TRIB1: variants seen among roughly 807,000 people sequenced by gnomAD.
The protein encoded by TRIB1 is tribbles homolog 1.
In TRIB1, 12 loss-of-function variants were observed where a neutral mutation model predicts 27.8. The observed-to-expected ratio is 0.43, with a 90% confidence interval of 0.28 to 0.70. The LOEUF is 0.70. TRIB1 is among the 30% of genes least tolerant of loss of function. The pLI is 0.18. For synonymous variants in TRIB1, 230 were observed against 224.9 expected, an observed-to-expected ratio of 1.02 and a Z score of -0.20; for missense variants, 475 against 515.8, an observed-to-expected ratio of 0.92 and a Z score of 0.77.
rs1199031481 is a variant in TRIB1, at chr8:125,433,471, G to A, written c.515G>A (p.Arg172Gln). 5 of 1,614,116 alleles carry A rather than the reference G, an allele frequency of 3.1e-6. No homozygotes were observed. The highest frequency in any genetic ancestry group is 4.2e-6 in the Non-Finnish European group (5 of 1,180,048). Reference protein sequence around the residue: ...KDFGDMHSYVRSRKRLREEEA... With the variant: ...KDFGDMHSYVQSRKRLREEEA... ...TTTGGGGACATGCACTCCTATGTGCGAAGCCGGAAGAGGCTGCGGGAAGAG... is the reference window on the plus strand; with the variant it reads ...TTTGGGGACATGCACTCCTATGTGCAAAGCCGGAAGAGGCTGCGGGAAGAG... Residue 172 changes from arginine to glutamine, a missense_variant, in exon 2 of 3, where the codon CGA becomes CAA. Arg to Gln is a conservative substitution (Grantham distance 43, BLOSUM62 1). Coordinates refer to ENST00000311922, the MANE Select transcript of TRIB1 (RefSeq NM_025195.4). This position sits in a 1 kb window ranked among gnomAD's most constrained non-coding sequence, Gnocchi z 4.4.
chr8:125,431,047 C>G lies in TRIB1; in HGVS notation c.145C>G (p.Arg49Gly). 1 of 1,454,900 alleles carries G rather than the reference C, an allele frequency of 6.9e-7. No individual in the cohort carries two copies. Among genetic ancestry groups the G allele is most frequent in the Non-Finnish European group, 9.0e-7 (1 of 1,111,304 alleles). The allele number at this position is 1,454,900 out of a possible 1,614,324, so 90.1% of individuals were successfully genotyped here. A position where few individuals can be genotyped will look rare whatever the true frequency, so the allele number is the denominator to read the frequency against. ...DAAAVAAKCP[R>G]LSECSSPPDY... ...GGCGGCTGTGGCGGCCAAGTGCCCG[C>G]GCCTCTCCGAGTGCTCCAGCCCCCC... The change falls in exon 1 of 3, where the codon CGC becomes GGC. Residue 49 changes from arginine to glycine, a missense_variant. Transcript: ENST00000311922.
intron 1 of TRIB1, among the ~76,000 whole-genome samples, chr8:125,431,969 C>G (rs555510260): frequency 5.9e-5 from 9 of 152,280 alleles, no homozygotes; most frequent in Admixed American, 5.9e-4. Flanking sequence ...GAGGAGGAGA[C>G]ACAGCTCCTA....
Position 125,430,684 on chromosome 8 carries a change from C to T in TRIB1, c.-219C>T. On this transcript the variant is annotated 5_prime_UTR_variant, in exon 1 of 3. Transcript: ENST00000311922. ...GCGGGGGTCCGGGGACTCGAGCCGG[C>T]CTCCGCCTCCCGGACGCACAGCCAG... 6 of 521,970 alleles carry T rather than the reference C, an allele frequency of 1.1e-5. No individual in the cohort carries two copies. The highest frequency in any genetic ancestry group is 1.2e-5 in the Non-Finnish European group (4 of 332,434). The allele number at this position is 521,970 out of a possible 1,614,324, so 32.3% of individuals were successfully genotyped here. A position where few individuals can be genotyped will look rare whatever the true frequency, so the allele number is the denominator to read the frequency against.
chr8:125,433,178 C>A lies in TRIB1; in HGVS notation c.361-139C>A, dbSNP rs560072952. On this transcript the variant is annotated intron_variant, in intron 1 of 2. Transcript: ENST00000311922. This position sits in a 1 kb window ranked among gnomAD's most constrained non-coding sequence, Gnocchi z 4.4. ...GCTGGGGCTGCGTAAGGTAAGGTGG[C>A]AGAGGAAAGGAGTAGGTGAATGGAA... 98 of 896,208 alleles carry A rather than the reference C, an allele frequency of 1.1e-4. 2 individuals carry two copies. The South Asian group carries it at 1.6e-3, about 14-fold the overall frequency. 55.5% of individuals were successfully genotyped at this position (896,208 alleles called of 1,614,324 possible). A position where few individuals can be genotyped will look rare whatever the true frequency, so the allele number is the denominator to read the frequency against.
chr8:125,436,469 T>G lies in TRIB1; in HGVS notation c.1117T>G (p.Ter373GluextTer11). 1 of 1,612,722 alleles carries G rather than the reference T, an allele frequency of 6.2e-7. No homozygotes were observed. Among genetic ancestry groups the G allele is most frequent in the East Asian group, 2.2e-5 (1 of 44,860 alleles). The change falls in exon 3 of 3, where the codon TAA becomes GAA. Residue 373 changes from the stop codon to glutamate (E), a stop_lost. Transcript: ENST00000311922. ...CAGTGACATTAGTTCCTTCTTCTGC[T>G]AATCCCCAAAACCTCAGAAACCTCA... ...EDSDISSFFC[*>E]
chr8:125,432,026 C>A (rs55637010), intron 1 of TRIB1, among the ~76,000 whole-genome samples: 5,194 of 152,264 alleles, frequency 0.034, 104 homozygotes, highest in Non-Finnish European at 0.053. Flanking sequence ...AGACGCAGAA[C>A]GTTCCCACAG....
rs1445798491 is a variant in TRIB1 at position 125,433,334 on chromosome 8, C to G, written c.378C>G (p.His126Gln). The G allele has an allele frequency of 1.9e-6, 3 of 1,614,018 alleles. No homozygotes were observed. In the South Asian group the frequency reaches 3.3e-5, roughly 18 times the overall value. ...CTCTACAGGTGTTTCCCATTAAACA[C>G]TACCAGGACAAAATCAGGCCTTACA... ...ELRCKVFPIK[H>Q]YQDKIRPYIQ... The change falls in exon 2 of 3, where the codon CAC becomes CAG. Residue 126 changes from histidine (H) to glutamine (Q), a missense_variant. Physicochemically the swap from His to Gln is conservative, Grantham distance 24. Coordinates refer to ENST00000311922, the MANE Select transcript of TRIB1 (RefSeq NM_025195.4). The surrounding 1 kb of genome is among the most constrained non-coding windows in gnomAD (Gnocchi z 4.4).
At chr8:125,435,224 T>C (rs900143485) in intron 2 of TRIB1, among the ~76,000 whole-genome samples, 3 of 152,108 alleles carry the variant, frequency 2.0e-5, no homozygotes, top group African/African-American at 7.2e-5. Flanking sequence ...CCCTGTAGAA[T>C]ACATATGCTC....
rs746304298 is a variant in TRIB1 at position 125,431,001 on chromosome 8, C to T, written c.99C>T (p.Arg33=). The change falls in exon 1 of 3, where the codon CGC becomes CGT. Residue 33 remains arginine, a synonymous_variant. Transcript: ENST00000311922. ...FPATRGVPAK[R]LLDADDAAAV... Reference sequence around the variant, plus strand: ...CCACCCGAGGCGTCCCGGCCAAACGCCTGCTGGACGCCGACGACGCGGCGG... The same window carrying T: ...CCACCCGAGGCGTCCCGGCCAAACGTCTGCTGGACGCCGACGACGCGGCGG... The T allele has an allele frequency of 4.8e-6, 7 of 1,465,532 alleles. No homozygotes were observed. The South Asian group carries it at 9.2e-5, about 19-fold the overall frequency. The allele number at this position is 1,465,532 out of a possible 1,614,324, so 90.8% of individuals were successfully genotyped here.
In TRIB1 at chr8:125,431,033, C is replaced by A. The variant is rs1235489441; in HGVS notation, c.131C>A (p.Ala44Glu). ...LLDADDAAAV[A>E]AKCPRLSECS... ...GACGCCGACGACGCGGCGGCTGTGG[C>A]GGCCAAGTGCCCGCGCCTCTCCGAG... Residue 44 changes from alanine (A) to glutamate (E), a missense_variant, in exon 1 of 3, where the codon GCG becomes GAG. By Grantham distance (107) the Ala-to-Glu change is moderately radical. Coordinates refer to ENST00000311922, the MANE Select transcript of TRIB1 (RefSeq NM_025195.4). 4 of 1,458,202 alleles carry A rather than the reference C, an allele frequency of 2.7e-6. No individual in the cohort carries two copies. The highest frequency in any genetic ancestry group is 2.7e-6 in the Non-Finnish European group (3 of 1,113,080). The allele number at this position is 1,458,202 out of a possible 1,614,324, so 90.3% of individuals were successfully genotyped here.
intron 1 of TRIB1, 50 bp downstream of exon 1, chr8:125,431,312 G>C: frequency 8.0e-7 from 1 of 1,252,278 alleles, no homozygotes; most frequent in African/African-American, 1.5e-5. Context: ...CGCGGGACGG[G>C]GTGGTAGGCA....
Position 125,430,971 on chromosome 8 carries a change from C to T in TRIB1, c.69C>T (p.Phe23=), listed in dbSNP as rs1400494785. The T allele has an allele frequency of 4.1e-6, 6 of 1,471,624 alleles. No individual in the cohort carries two copies. The highest frequency in any genetic ancestry group is 5.4e-6 in the Non-Finnish European group (6 of 1,119,904). The allele number at this position is 1,471,624 out of a possible 1,614,324, so 91.2% of individuals were successfully genotyped here. The change falls in exon 1 of 3, where the codon TTC becomes TTT. Residue 23 remains phenylalanine, a synonymous_variant. Coordinates refer to ENST00000311922, the MANE Select transcript of TRIB1 (RefSeq NM_025195.4). ...ASQPRGPALL[F]PATRGVPAKR... ...AGCCCCGCGGCCCGGCCCTGCTCTT[C>T]CCAGCCACCCGAGGCGTCCCGGCCA... is the stretch of plus-strand genomic sequence containing the variant.
rs141129188 is a variant in TRIB1, at chr8:125,433,460, C to T, written c.504C>T (p.His168=). Residue 168 remains histidine (H), a synonymous_variant, in exon 2 of 3, where the codon CAC becomes CAT. Transcript: ENST00000311922. The surrounding 1 kb of genome is among the most constrained non-coding windows in gnomAD (Gnocchi z 4.4). The part of the protein sequence containing the change: ...VFFEKDFGDM[H]SYVRSRKRLR... ...TTGAGAAGGACTTTGGGGACATGCA[C>T]TCCTATGTGCGAAGCCGGAAGAGGC... 18 of 1,614,124 alleles carry T rather than the reference C, an allele frequency of 1.1e-5. No individual in the cohort carries two copies. In the African/African-American group the frequency reaches 1.9e-4, roughly 17 times the overall value.
chr8:125,436,320 C>A lies in TRIB1; in HGVS notation c.968C>A (p.Pro323His), dbSNP rs763855292. 1.2e-6 allele frequency: 2 copies of A among 1,613,954 alleles called. No homozygotes were observed. Among genetic ancestry groups the A allele is most frequent in the Non-Finnish European group, 1.7e-6 (2 of 1,180,010 alleles). ...CLIRSLLRRE[P>H]SERLTAPEIL... ...ATTCGCAGCCTCTTGAGACGGGAGC[C>A]CTCCGAGAGACTCACTGCCCCCGAG... is the stretch of plus-strand genomic sequence containing the variant. The change falls in exon 3 of 3, where the codon CCC becomes CAC. Residue 323 changes from proline to histidine, a missense_variant. Pro to His is a moderately conservative substitution (Grantham distance 77). Coordinates refer to ENST00000311922, the MANE Select transcript of TRIB1 (RefSeq NM_025195.4).
intron 2 of TRIB1, among the ~76,000 whole-genome samples, chr8:125,434,139 G>A (rs1206869327): frequency 6.6e-6 from 1 of 152,150 alleles, no homozygotes; most frequent in Non-Finnish European, 1.5e-5. Context: ...AGCTTGTTTG[G>A]ATCCGTCTTC....
intron 1 of TRIB1, chr8:125,432,302 A>G: frequency 1.3e-5 from 13 of 983,054 alleles, no homozygotes; most frequent in Non-Finnish European, 1.6e-5. Flanking sequence ...GACTGGGGCT[A>G]AGAGCTGTTC....
rs1814650664 is a variant in TRIB1, at chr8:125,431,221, C to T, written c.319C>T (p.Arg107Trp). 2.3e-6 allele frequency: 3 copies of T among 1,276,902 alleles called. No individual in the cohort carries two copies. Among genetic ancestry groups the T allele is most frequent in the Non-Finnish European group, 3.0e-6 (3 of 1,013,472 alleles). The allele number at this position is 1,276,902 out of a possible 1,614,324, so 79.1% of individuals were successfully genotyped here. The change falls in exon 1 of 3, where the codon CGG becomes TGG. Residue 107 changes from arginine to tryptophan, a missense_variant. Transcript: ENST00000311922. ...CCTAGCCGAGCGCGAGCATGTGTCCCGGGCGCTGTGCATCCACACTGGACG... is the reference window on the plus strand; with the variant it reads ...CCTAGCCGAGCGCGAGCATGTGTCCTGGGCGCTGTGCATCCACACTGGACG... ...LPLAEREHVS[R>W]ALCIHTGREL...
chr8:125,433,242 T>A lies in TRIB1; in HGVS notation c.361-75T>A. Reference sequence around the variant, plus strand: ...TAAGCCCACAGGTTGAGAACTTCTGTTCAGCTCCCTCAGGGGTTTGGGAGG... The same window carrying A: ...TAAGCCCACAGGTTGAGAACTTCTGATCAGCTCCCTCAGGGGTTTGGGAGG... On this transcript the variant is annotated intron_variant, in intron 1 of 2. Transcript: ENST00000311922. This position sits in a 1 kb window ranked among gnomAD's most constrained non-coding sequence, Gnocchi z 4.4. 1 of 1,483,680 alleles carries A rather than the reference T, an allele frequency of 6.7e-7. No homozygotes were observed. Among genetic ancestry groups the A allele is most frequent in the Non-Finnish European group, 9.2e-7 (1 of 1,086,050 alleles). 91.9% of individuals were successfully genotyped at this position (1,483,680 alleles called of 1,614,324 possible). A position where few individuals can be genotyped will look rare whatever the true frequency, so the allele number is the denominator to read the frequency against.
Position 125,431,134 on chromosome 8 carries a change from G to T in TRIB1, c.232G>T (p.Ala78Ser), listed in dbSNP as rs1170439720. 7.6e-7 allele frequency: 1 copy of T among 1,317,218 alleles called. No homozygotes were observed. Among genetic ancestry groups the T allele is most frequent in the East Asian group, 3.1e-5 (1 of 32,348 alleles). The allele number at this position is 1,317,218 out of a possible 1,614,324, so 81.6% of individuals were successfully genotyped here. The change falls in exon 1 of 3, where the codon GCC (alanine) becomes TCC (serine). Residue 78 changes from alanine to serine, a missense_variant. Transcript: ENST00000311922. ...SPQPPPAAPGAGGGSGSAPGP... is the reference protein window; with the variant it reads ...SPQPPPAAPGSGGGSGSAPGP... The stretch of plus-strand genomic sequence containing the variant: ...GCAGCCCCCGCCTGCCGCTCCGGGG[G>T]CCGGCGGAGGCTCCGGGAGCGCGCC...
Sources: gnomAD v4.1 joint callset for allele counts (sites outside exome capture counted in the v4.1 genomes callset) on GRCh38, gnomAD v4.1.1 for gene constraint, Gnocchi (gnomAD v3.1) non-coding constraint, MANE v1.5 for transcripts, NCBI Gene and HGNC (gene_info 2026-07-23, HGNC 2026-07-21) for gene names.